The following HACD1 variants were observed in gnomAD, a reference collection of about 807,000 sequenced individuals.
HACD1 encodes the protein very-long-chain (3R)-3-hydroxyacyl-CoA dehydratase 1.
HACD1 carries 41 observed loss-of-function variants against 32.0 expected under a neutral mutation model. That is an observed-to-expected ratio of 1.28 (90% CI 1.00 to 1.66). The LOEUF is 1.66. Ranked by LOEUF, HACD1 falls within the 40% of genes most tolerant of loss-of-function variation. The pLI is 0.00. For synonymous variants in HACD1, 142 were observed against 139.0 expected, an observed-to-expected ratio of 1.02 and a Z score of -0.15; for missense variants, 396 against 380.1, an observed-to-expected ratio of 1.04 and a Z score of -0.35.
intron 6 of HACD1, among the ~76,000 whole-genome samples, chr10:17,590,894 T>A (rs1554815524): frequency 6.6e-6 from 1 of 152,176 alleles, no homozygotes; most frequent in African/African-American, 2.4e-5. Flanking sequence ...AGCCTGGTCT[T>A]GAACTCCTGG....
Position 17,589,244 on chromosome 10 carries a change from C to T in HACD1, c.*1120G>A, listed in dbSNP as rs191049276. On this transcript the variant is annotated 3_prime_UTR_variant, in exon 7 of 7. Coordinates refer to ENST00000361271, the MANE Select transcript of HACD1 (RefSeq NM_014241.4). ...TTCTCAACCAAAGTTCTGAGTACAGCATGATCATCTTCCTCATCATCGTTA... is the reference window on the plus strand; with the variant it reads ...TTCTCAACCAAAGTTCTGAGTACAGTATGATCATCTTCCTCATCATCGTTA... 3 of 152,398 alleles carry T rather than the reference C, an allele frequency of 2.0e-5. No individual in the cohort carries two copies. The highest frequency in any genetic ancestry group is 4.4e-5 in the Non-Finnish European group (3 of 68,138). 9.4% of individuals were successfully genotyped at this position (152,398 alleles called of 1,614,324 possible). A position where few individuals can be genotyped will look rare whatever the true frequency, so the allele number is the denominator to read the frequency against.
At chr10:17,607,846 T>G (rs1251118910) in intron 1 of HACD1, among the ~76,000 whole-genome samples, 3 of 152,200 alleles carry the variant, frequency 2.0e-5, no homozygotes, top group African/African-American at 7.2e-5. Context: ...AGGAGCCAAT[T>G]GAATCAGGGT....
chr10:17,616,790 G>A (rs189220377), intron 1 of HACD1, among the ~76,000 whole-genome samples: 1 of 152,016 alleles, frequency 6.6e-6, no homozygotes, highest in African/African-American at 2.4e-5. Context: ...CAGCGGCGCC[G>A]GGGCAGCAGC....
intron 5 of HACD1, among the ~76,000 whole-genome samples, chr10:17,598,115 C>T (rs897174673): frequency 2.0e-5 from 3 of 151,742 alleles, no homozygotes; most frequent in Non-Finnish European, 2.9e-5. Context: ...CAAAAATTAG[C>T]CAGGTGTGGT....
chr10:17,593,284 A>T (rs1833952340), intron 6 of HACD1, among the ~76,000 whole-genome samples: 1 of 151,202 alleles, frequency 6.6e-6, no homozygotes. Flanking sequence ...AGCTATCAAT[A>T]TTTGACTTAA....
intron 1 of HACD1, among the ~76,000 whole-genome samples, chr10:17,610,937 C>G (rs1554817437): frequency 6.6e-6 from 1 of 151,854 alleles, no homozygotes; most frequent in Admixed American, 6.6e-5. Flanking sequence ...ATCTGAGGCC[C>G]AGTGCAATGC....
chr10:17,604,736 C>T (rs1319183807), intron 1 of HACD1, among the ~76,000 whole-genome samples: 3 of 152,094 alleles, frequency 2.0e-5, no homozygotes, highest in South Asian at 2.1e-4. Context: ...GACAGGGTCT[C>T]GCTCTGTCAC....
chr10:17,603,946 G>A lies in HACD1; in HGVS notation c.359C>T (p.Thr120Ile). 6.2e-7 allele frequency: 1 copy of A among 1,607,220 alleles called. No homozygotes were observed. Among genetic ancestry groups the A allele is most frequent in the East Asian group, 2.2e-5 (1 of 44,818 alleles). The change falls in exon 2 of 7, where the codon ACA (threonine) becomes ATA (isoleucine). Residue 120 changes from threonine (T) to isoleucine (I), a missense_variant. Coordinates refer to ENST00000361271, the MANE Select transcript of HACD1 (RefSeq NM_014241.4). Reference protein sequence around the residue: ...SIQKTLKFFQTFALLEIVHCL... With the variant: ...SIQKTLKFFQIFALLEIVHCL... ...AAAACTTACCTCAAGCAAGGCAAAT[G>A]TCTGGAAAAATTTAAGTGTCTTCTG...
chr10:17,597,339 TG>T (rs1834007391), intron 5 of HACD1, among the ~76,000 whole-genome samples: 1 of 152,202 alleles, frequency 6.6e-6, no homozygotes, highest in African/African-American at 2.4e-5. Context: ...GGTTTCACCA[TG>T]TTGGCCAGGC....
intron 4 of HACD1, among the ~76,000 whole-genome samples, chr10:17,602,365 C>T (rs1165932329): frequency 2.6e-5 from 4 of 152,126 alleles, no homozygotes; most frequent in African/African-American, 7.2e-5. Context: ...GCCACCTCGC[C>T]CGGCCCTGTC....
chr10:17,594,342 C>A lies in HACD1; in HGVS notation c.647G>T (p.Gly216Val). 6.4e-7 allele frequency: 1 copy of A among 1,570,106 alleles called. No individual in the cohort carries two copies. The highest frequency in any genetic ancestry group is 1.2e-5 in the South Asian group (1 of 82,744). The change falls in exon 6 of 7, where the codon GGT (glycine) becomes GTT (valine). Residue 216 changes from glycine to valine, a missense_variant. Physicochemically the swap from Gly to Val is moderately radical, Grantham distance 109. Coordinates refer to ENST00000361271, the MANE Select transcript of HACD1 (RefSeq NM_014241.4). ...FIILYPVGVA[G>V]ELLTIYAALP... is the part of the protein sequence containing the mutation. ...GGCAGCGTATATTGTAAGAAGTTCA[C>A]CAGCAACTCCAACAGGATATAAGAT... is the stretch of plus-strand genomic sequence containing the variant.
intron 2 of HACD1, 34 bp from the exon 3 acceptor site, chr10:17,603,778 T>C: frequency 6.3e-7 from 1 of 1,577,962 alleles, no homozygotes; most frequent in Non-Finnish European, 8.7e-7. Context: ...ATTACGTCAA[T>C]AATAGAAAAC....
chr10:17,613,102 G>A (rs1250387407), intron 1 of HACD1, among the ~76,000 whole-genome samples: 3 of 31,534 alleles, frequency 9.5e-5, no homozygotes, highest in Non-Finnish European at 1.8e-4. Context: ...TTTGGGGTGT[G>A]TGTGTGTGTG....
chr10:17,607,326 C>T (rs1258696037), intron 1 of HACD1, among the ~76,000 whole-genome samples: 1 of 152,124 alleles, frequency 6.6e-6, no homozygotes, highest in Non-Finnish European at 1.5e-5. Flanking sequence ...ACTGATGGAT[C>T]CATCTCATGT....
intron 5 of HACD1, among the ~76,000 whole-genome samples, chr10:17,598,018 G>C (rs1554816136): frequency 6.6e-6 from 1 of 151,604 alleles, no homozygotes; most frequent in African/African-American, 2.4e-5. Context: ...CTAGCACTTA[G>C]GGAGGCCGAG....
chr10:17,615,780 A>C (rs1554817951), intron 1 of HACD1: 1 of 409,622 alleles, frequency 2.4e-6, no homozygotes, highest in East Asian at 9.1e-5. Flanking sequence ...CACCCTGGCC[A>C]ACATGGTGAT....
At chr10:17,613,790 A>G (rs1277375312) in intron 1 of HACD1, among the ~76,000 whole-genome samples, 1 of 152,206 alleles carries the variant, frequency 6.6e-6, no homozygotes, top group Admixed American at 6.5e-5. Context: ...GGAAAACTTC[A>G]AAGAGGTAGA....
chr10:17,604,824 G>A (rs1380263684), intron 1 of HACD1, among the ~76,000 whole-genome samples: 1 of 152,108 alleles, frequency 6.6e-6, no homozygotes, highest in East Asian at 1.9e-4. Context: ...TCCCATCTCA[G>A]CCTTCCCCAT....
intron 4 of HACD1, among the ~76,000 whole-genome samples, chr10:17,600,008 G>A (rs1834046815): frequency 6.6e-6 from 1 of 152,152 alleles, no homozygotes; most frequent in Non-Finnish European, 1.5e-5. Context: ...ATAAAAGGAT[G>A]AGCCCTAATA....
Sources: gnomAD v4.1 joint callset for allele counts (sites outside exome capture counted in the v4.1 genomes callset) on GRCh38, gnomAD v4.1.1 for gene constraint, MANE v1.5 for transcripts, NCBI Gene and HGNC (gene_info 2026-07-23, HGNC 2026-07-21) for gene names.